The following HYDIN variants were observed in gnomAD, a reference collection of about 807,000 sequenced individuals.
The protein encoded by HYDIN is axonemal central pair apparatus protein HYDIN.
Under a neutral mutation model 403.9 loss-of-function variants are expected in HYDIN, and 132 were observed. The observed-to-expected ratio is 0.33, with a 90% confidence interval of 0.28 to 0.38. The LOEUF (loss-of-function observed/expected upper bound fraction) is 0.38, where lower values mean the gene tolerates loss of function less well. Among genes scored for constraint, HYDIN ranks in the 10% least tolerant of loss-of-function variants. The pLI, the probability that HYDIN is intolerant of heterozygous loss-of-function variation, is 1.00. For synonymous variants in HYDIN, 1,202 were observed against 1,891.7 expected, an observed-to-expected ratio of 0.64 and a Z score of 9.46; for missense variants, 2,827 against 5,009.5, an observed-to-expected ratio of 0.56 and a Z score of 13.15.
Position 71,186,760 on chromosome 16 carries a change from C to T in HYDIN, c.135+1G>A, listed in dbSNP as rs770982692. 16 of 1,610,150 alleles carry T rather than the reference C, an allele frequency of 9.9e-6. No homozygotes were observed. Among genetic ancestry groups the T allele is most frequent in the Non-Finnish European group, 1.1e-5 (13 of 1,177,708 alleles). Reference sequence around the variant, plus strand: ...TACATATTAATTCCCGGATACATTACCATTCGGTTTACTTCTTCTTCTGTA... The same window carrying T: ...TACATATTAATTCCCGGATACATTATCATTCGGTTTACTTCTTCTTCTGTA... On this transcript the variant is annotated splice_donor_variant, in intron 2 of 85. Transcript: ENST00000393567. LOFTEE classifies it high-confidence loss of function.
At chr16:71,099,990 C>T (rs2083406694) in intron 10 of HYDIN, among the ~76,000 whole-genome samples, 1 of 151,980 alleles carries the variant, frequency 6.6e-6, no homozygotes. Context: ...GGCAACAGAG[C>T]AAGAAGTGGT....
intron 35 of HYDIN, among the ~76,000 whole-genome samples, chr16:70,971,425 A>G (rs1049491656): frequency 6.6e-6 from 1 of 152,130 alleles, no homozygotes; most frequent in African/African-American, 2.4e-5. Context: ...TCTACATTGC[A>G]TCCCATAGTT....
chr16:70,951,281 G>GAGAGAGAGAGA (rs1567892472), intron 41 of HYDIN, among the ~76,000 whole-genome samples: 6 of 95,998 alleles, frequency 6.3e-5, no homozygotes, highest in African/African-American at 1.7e-4. Context: ...AGAGAGAGAG[G>GAGAGAGAGAGA]GAGAGAGGGA....
intron 52 of HYDIN, among the ~76,000 whole-genome samples, chr16:70,902,821 A>ATATTT: frequency 8.5e-5 from 4 of 47,306 alleles, no homozygotes; most frequent in African/African-American, 4.7e-4. Flanking sequence ...ATATATATAT[A>ATATTT]TTTTTTTTTT....
intron 2 of HYDIN, among the ~76,000 whole-genome samples, chr16:71,186,029 C>A (rs2087131355): frequency 6.6e-6 from 1 of 152,064 alleles, no homozygotes; most frequent in South Asian, 2.1e-4. Flanking sequence ...GAGGTGTCAG[C>A]TATATTGTGA....
chr16:71,186,253 A>G (rs948158880), intron 2 of HYDIN, among the ~76,000 whole-genome samples: 1 of 152,164 alleles, frequency 6.6e-6, no homozygotes, highest in African/African-American at 2.4e-5. Context: ...ATTATCACCA[A>G]TCATTATAAA....
At chr16:71,093,121 T>C (rs2083164753) in intron 11 of HYDIN, among the ~76,000 whole-genome samples, 1 of 151,666 alleles carries the variant, frequency 6.6e-6, no homozygotes, top group African/African-American at 2.4e-5. Context: ...TTGTTTAAAA[T>C]ACCTCTATAA....
chr16:71,137,362 AACAAAGT>A lies in HYDIN; in HGVS notation c.842-17_842-11del. ...ACAAACACCTTTTCACCTAGGAATT[AACAAAGT>A]ACAAACACACTTCAAGATTTATTCT... On this transcript the variant is annotated splice_polypyrimidine_tract_variant and intron_variant, in intron 7 of 85. Transcript: ENST00000393567. The A allele has an allele frequency of 5.1e-6, 3 of 590,932 alleles. No homozygotes were observed. Among genetic ancestry groups the A allele is most frequent in the Non-Finnish European group, 6.0e-6 (2 of 332,780 alleles). The allele number at this position is 590,932 out of a possible 1,614,324, so 36.6% of individuals were successfully genotyped here.
chr16:71,116,434 T>C (rs1195888480), intron 9 of HYDIN, among the ~76,000 whole-genome samples: 3 of 152,232 alleles, frequency 2.0e-5, no homozygotes, highest in Non-Finnish European at 4.4e-5. Flanking sequence ...CTTCTGTCGC[T>C]GGACACTTCG....
chr16:71,170,723 CTG>C (rs2086428542), intron 5 of HYDIN, among the ~76,000 whole-genome samples: 1 of 152,138 alleles, frequency 6.6e-6, no homozygotes, highest in Admixed American at 6.5e-5. Flanking sequence ...TAAGGAGTGA[CTG>C]TGGTTTTTTA....
At chr16:71,175,811 A>G (rs759356723) in intron 4 of HYDIN, 70 bp from the exon 5 acceptor site, 2 of 1,494,918 alleles carry the variant, frequency 1.3e-6, no homozygotes, top group African/African-American at 1.4e-5. Flanking sequence ...ACTGAAATCC[A>G]TCAACTACTT....
chr16:71,202,444 T>C (rs1046848026), intron 1 of HYDIN, among the ~76,000 whole-genome samples: 2 of 152,170 alleles, frequency 1.3e-5, no homozygotes, highest in Non-Finnish European at 2.9e-5. Flanking sequence ...CTTATTCATA[T>C]TTTAATGTAA....
At chr16:71,046,743 T>C (rs1375058023) in intron 18 of HYDIN, among the ~76,000 whole-genome samples, 1 of 152,216 alleles carries the variant, frequency 6.6e-6, no homozygotes, top group East Asian at 1.9e-4. Flanking sequence ...CATTAATAAA[T>C]CTCTATACTA....
chr16:70,810,062 C>T (rs555278046), intron 84 of HYDIN, 55 bp from the exon 85 acceptor site: 104 of 1,511,434 alleles, frequency 6.9e-5, no homozygotes, highest in Non-Finnish European at 9.0e-5. Flanking sequence ...CATCACCTGC[C>T]ACCTAGAGAC....
chr16:70,942,184 C>T (rs2143884340), intron 42 of HYDIN, among the ~76,000 whole-genome samples: 1 of 150,000 alleles, frequency 6.7e-6, no homozygotes, highest in East Asian at 2.0e-4. Context: ...ACCACCAGGC[C>T]CGGCTAATTT....
intron 45 of HYDIN, chr16:70,933,660 T>C (rs1420892705): frequency 6.5e-6 from 1 of 154,730 alleles, no homozygotes; most frequent in African/African-American, 2.4e-5. Context: ...TGGAGGTAGA[T>C]GGTGATGGGA....
chr16:71,179,382 T>C (rs1282614475), intron 3 of HYDIN, among the ~76,000 whole-genome samples: 2 of 150,696 alleles, frequency 1.3e-5, no homozygotes, highest in Non-Finnish European at 3.0e-5. Context: ...ATTTTTTACC[T>C]GGGGAAAGTC....
Position 70,806,283 on chromosome 16 carries a change from G to C in HYDIN, c.*1297C>G, listed in dbSNP as rs1050166933. Among the ~76,000 whole-genome samples the C allele has an allele frequency of 7.9e-5, 12 of 152,124 alleles. No individual in the cohort carries two copies. Among genetic ancestry groups the C allele is most frequent in the African/African-American group, 1.9e-4 (8 of 41,434 alleles). ...ATCTGTGGTTTCAGGCATCTACTGG[G>C]CACCTTGGAATGTATCCCCTGAGGA... On this transcript the variant is annotated 3_prime_UTR_variant, in exon 86 of 86. Coordinates refer to ENST00000393567, the MANE Select transcript of HYDIN (RefSeq NM_001270974.2).
At chr16:71,058,650 C>A (rs2081981956) in intron 18 of HYDIN, among the ~76,000 whole-genome samples, 1 of 146,244 alleles carries the variant, frequency 6.8e-6, no homozygotes, top group Non-Finnish European at 1.5e-5. Context: ...TTCCTAAACT[C>A]TACAAAACCC....
Sources: gnomAD v4.1 joint callset for allele counts (sites outside exome capture counted in the v4.1 genomes callset) on GRCh38, gnomAD v4.1.1 for gene constraint, MANE v1.5 for transcripts, NCBI Gene and HGNC (gene_info 2026-07-23, HGNC 2026-07-21) for gene names.